LGR4: variants seen among roughly 807,000 people sequenced by gnomAD.
LGR4 encodes leucine-rich repeat-containing G protein-coupled receptor 4.
In LGR4, 44 loss-of-function variants were observed where a neutral mutation model predicts 84.8. That is an observed-to-expected ratio of 0.52 (90% CI 0.41 to 0.67). The LOEUF (loss-of-function observed/expected upper bound fraction) is 0.67. LGR4 is among the 30% of genes least tolerant of loss of function. LGR4 has a pLI of 0.00. For synonymous variants in LGR4, 429 were observed against 434.3 expected (o/e 0.99, Z 0.15); for missense variants, 1,032 against 1,131.4 (o/e 0.91, Z 1.26).
At chr11:27,453,102 T>C (rs919119893) in intron 1 of LGR4, among the ~76,000 whole-genome samples, 2 of 152,054 alleles carry the variant, frequency 1.3e-5, no homozygotes, top group African/African-American at 4.8e-5. Flanking sequence ...AGGGTCTAGC[T>C]CTGTCGCCCA....
intron 2 of LGR4, among the ~76,000 whole-genome samples, chr11:27,399,312 A>C (rs1372976460): frequency 6.6e-6 from 1 of 152,000 alleles, no homozygotes. Context: ...CTGGGATGCC[A>C]TTCTATTCCC....
chr11:27,460,013 C>T (rs141769252), intron 1 of LGR4, among the ~76,000 whole-genome samples: 206 of 152,214 alleles, frequency 1.4e-3, no homozygotes, highest in Admixed American at 2.9e-3. Flanking sequence ...ATCACTTGAA[C>T]CGGGAAGCGG....
chr11:27,447,288 T>TA (rs1400493496), intron 1 of LGR4, among the ~76,000 whole-genome samples: 1 of 152,110 alleles, frequency 6.6e-6, no homozygotes, highest in Non-Finnish European at 1.5e-5. Flanking sequence ...ACCACTCTGA[T>TA]AAAACAGGAT....
At chr11:27,369,191 A>G in intron 17 of LGR4, 48 bp from the exon 18 acceptor site, 1 of 1,407,380 alleles carries the variant, frequency 7.1e-7, no homozygotes, top group Non-Finnish European at 9.5e-7. Context: ...TAACTTAGAA[A>G]ACAATTTAGA....
chr11:27,420,810 T>A (rs958901424), intron 1 of LGR4, among the ~76,000 whole-genome samples: 2 of 152,044 alleles, frequency 1.3e-5, no homozygotes, highest in African/African-American at 4.8e-5. Context: ...AAGAATATCA[T>A]GTGTGAAAGC....
chr11:27,375,293 G>C (rs1240144556), intron 13 of LGR4, among the ~76,000 whole-genome samples: 1 of 96,828 alleles, frequency 1.0e-5, no homozygotes, highest in African/African-American at 3.7e-5. Flanking sequence ...GAGAGACCCT[G>C]TCTCAAAAAA....
chr11:27,458,294 A>G (rs897144302), intron 1 of LGR4, among the ~76,000 whole-genome samples: 1 of 152,210 alleles, frequency 6.6e-6, no homozygotes, highest in African/African-American at 2.4e-5. Flanking sequence ...AAGTGAGGAA[A>G]CCAAGGTAGA....
intron 4 of LGR4, among the ~76,000 whole-genome samples, chr11:27,387,417 C>T (rs2199664): frequency 0.94 from 142,876 of 152,250 alleles, 67,104 homozygotes; most frequent in East Asian, 1. Flanking sequence ...TTACTCAAAA[C>T]GCATTTGGTC....
intron 1 of LGR4, among the ~76,000 whole-genome samples, chr11:27,460,702 C>T (rs1361477737): frequency 6.6e-6 from 1 of 152,180 alleles, no homozygotes; most frequent in East Asian, 1.9e-4. Flanking sequence ...ATGAAGCGTT[C>T]TGCTGCATGC....
intron 1 of LGR4, among the ~76,000 whole-genome samples, chr11:27,450,712 C>T (rs1258607489): frequency 7.2e-5 from 11 of 152,118 alleles, no homozygotes; most frequent in African/African-American, 2.2e-4. Flanking sequence ...CCCTTGAACC[C>T]GGGAGGCAGA....
intron 1 of LGR4, among the ~76,000 whole-genome samples, chr11:27,443,009 C>T (rs1864329014): frequency 6.6e-6 from 1 of 152,188 alleles, no homozygotes; most frequent in Non-Finnish European, 1.5e-5. Context: ...TTCTCACAAC[C>T]ATTCTGAGAG....
At chr11:27,422,608 C>T (rs79712190) in intron 1 of LGR4, among the ~76,000 whole-genome samples, 2,173 of 152,234 alleles carry the variant, frequency 0.014, 54 homozygotes, top group African/African-American at 0.049. Flanking sequence ...GCCTCAAGTT[C>T]GAATATATTG....
In LGR4 at chr11:27,472,572, A is replaced by G; in HGVS notation, c.-270T>C. 1 of 374,806 alleles carries G rather than the reference A, an allele frequency of 2.7e-6. No homozygotes were observed. The highest frequency in any genetic ancestry group is 4.7e-6 in the Non-Finnish European group (1 of 210,688). 23.2% of individuals were successfully genotyped at this position (374,806 alleles called of 1,614,324 possible). A position where few individuals can be genotyped will look rare whatever the true frequency, so the allele number is the denominator to read the frequency against. On this transcript the variant is annotated 5_prime_UTR_variant, in exon 1 of 18. Coordinates refer to ENST00000379214, the MANE Select transcript of LGR4 (RefSeq NM_018490.5). ...CACGCCAGCCGGGCCGGCCCGGCGC[A>G]GCGGCGGGGGCCGCGCTCTGCCATC...
rs185732314 is a variant in LGR4, at chr11:27,372,343, A to G, written c.1435T>C (p.Tyr479His). ...QCCAFWGCDS[Y>H]ANLNTEDNSL... ...TTATCTTCTGTGTTTAAATTTGCAT[A>G]AGAGTCACAACCCCAAAATGCACAG... The change falls in exon 16 of 18, where the codon TAT (tyrosine) becomes CAT (histidine). Residue 479 changes from tyrosine (Y) to histidine (H), a missense_variant. Physicochemically the swap from Tyr to His is moderately conservative, Grantham distance 83. Transcript: ENST00000379214. The G allele has an allele frequency of 2.4e-5, 38 of 1,613,776 alleles. 1 individual carries two copies. The highest frequency in any genetic ancestry group is 1.7e-5 in the Admixed American group (1 of 60,000).
At chr11:27,393,044 T>C (rs1322615454) in intron 2 of LGR4, among the ~76,000 whole-genome samples, 1 of 152,192 alleles carries the variant, frequency 6.6e-6, no homozygotes, top group Non-Finnish European at 1.5e-5. Flanking sequence ...CAATGGCCTA[T>C]ATATTTTTTT....
intron 1 of LGR4, among the ~76,000 whole-genome samples, chr11:27,416,407 G>C (rs1863820104): frequency 6.6e-6 from 1 of 152,182 alleles, no homozygotes; most frequent in African/African-American, 2.4e-5. Context: ...GTGAAGATCA[G>C]AAAATGTCAG....
chr11:27,372,441 G>T, intron 15 of LGR4, 43 bp from the exon 16 acceptor site: 1 of 1,078,636 alleles, frequency 9.3e-7, no homozygotes, highest in Non-Finnish European at 1.4e-6. Flanking sequence ...CAGCAACTCC[G>T]CAGTTATGGT....
intron 4 of LGR4, among the ~76,000 whole-genome samples, chr11:27,386,950 G>C (rs1271171707): frequency 1.3e-5 from 2 of 152,148 alleles, no homozygotes; most frequent in Non-Finnish European, 2.9e-5. Context: ...ACTGGCTACA[G>C]AGCGGCAAAG....
intron 6 of LGR4, among the ~76,000 whole-genome samples, chr11:27,383,730 G>A (rs139655892): frequency 1.4e-3 from 208 of 152,104 alleles, no homozygotes; most frequent in African/African-American, 4.7e-3. Flanking sequence ...TTTGAATGAA[G>A]GCAATAAAGG....
Sources: gnomAD v4.1 joint callset for allele counts (sites outside exome capture counted in the v4.1 genomes callset) on GRCh38, gnomAD v4.1.1 for gene constraint, MANE v1.5 for transcripts, NCBI Gene and HGNC (gene_info 2026-07-23, HGNC 2026-07-21) for gene names.